Variants in COL8A1 observed in about 807,000 individuals in gnomAD.
COL8A1 encodes collagen alpha-1(VIII) chain.
In COL8A1, 21 loss-of-function variants were observed where a neutral mutation model predicts 42.7. That is an observed-to-expected ratio of 0.49 (90% CI 0.35 to 0.71). COL8A1 has a LOEUF of 0.71. COL8A1 is among the 30% of genes least tolerant of loss of function. The pLI, the probability that COL8A1 is intolerant of heterozygous loss-of-function variation, is 0.01. For synonymous variants in COL8A1, 367 were observed against 369.1 expected (o/e 0.99, Z 0.06); for missense variants, 788 against 962.4 (o/e 0.82, Z 2.40).
At chr3:99,687,749 TA>T (rs1939106290) in intron 1 of COL8A1, among the ~76,000 whole-genome samples, 1 of 152,180 alleles carries the variant, frequency 6.6e-6, no homozygotes, top group Admixed American at 6.5e-5. Flanking sequence ...AACATTATAA[TA>T]ACAACCAGCT....
intron 1 of COL8A1, among the ~76,000 whole-genome samples, chr3:99,676,409 GCTTTTTT>G (rs1938698992): frequency 6.6e-6 from 1 of 152,048 alleles, no homozygotes; most frequent in African/African-American, 2.4e-5. Context: ...GATCAAGTAG[GCTTTTTT>G]CCAGGACTAG....
At chr3:99,714,408 C>A (rs1183003617) in intron 1 of COL8A1, among the ~76,000 whole-genome samples, 4 of 152,074 alleles carry the variant, frequency 2.6e-5, no homozygotes, top group Non-Finnish European at 5.9e-5. Flanking sequence ...CATAAAGTTC[C>A]CAGATTCTCA....
intron 1 of COL8A1, among the ~76,000 whole-genome samples, chr3:99,684,684 T>C (rs979978526): frequency 2.1e-4 from 32 of 152,224 alleles, no homozygotes; most frequent in Admixed American, 2.1e-3. Flanking sequence ...GGTAGAGTTG[T>C]ATGTTTACTT....
chr3:99,661,948 A>AG (rs1938217990), intron 1 of COL8A1, among the ~76,000 whole-genome samples: 1 of 152,228 alleles, frequency 6.6e-6, no homozygotes, highest in South Asian at 2.1e-4. Flanking sequence ...ATGATGTGCC[A>AG]GGGGATGAGG....
chr3:99,724,978 A>C (rs1576448953), intron 1 of COL8A1, among the ~76,000 whole-genome samples: 1 of 152,114 alleles, frequency 6.6e-6, no homozygotes, highest in Non-Finnish European at 1.5e-5. Context: ...TAAATATAAT[A>C]AGATTGCTTT....
intron 1 of COL8A1, among the ~76,000 whole-genome samples, chr3:99,643,159 A>G (rs923790092): frequency 6.6e-6 from 1 of 152,166 alleles, no homozygotes; most frequent in Non-Finnish European, 1.5e-5. Flanking sequence ...GCCAGTGCTT[A>G]ATCTTGAATA....
At chr3:99,654,546 G>A (rs1368315064) in intron 1 of COL8A1, among the ~76,000 whole-genome samples, 1 of 152,126 alleles carries the variant, frequency 6.6e-6, no homozygotes, top group East Asian at 1.9e-4. Flanking sequence ...CCAGCACTTT[G>A]GGAGATGAAG....
chr3:99,737,672 T>C (rs566752926), intron 1 of COL8A1, among the ~76,000 whole-genome samples: 1 of 152,132 alleles, frequency 6.6e-6, no homozygotes, highest in East Asian at 1.9e-4. Flanking sequence ...TTTTCCTTCA[T>C]TCAACTTTGG....
At chr3:99,727,874 G>T (rs1044457797) in intron 1 of COL8A1, among the ~76,000 whole-genome samples, 2 of 151,806 alleles carry the variant, frequency 1.3e-5, no homozygotes, top group Admixed American at 1.3e-4. Flanking sequence ...CATATAAACA[G>T]AACCAAAGAA....
At chr3:99,677,802 G>A (rs948410253) in intron 1 of COL8A1, 1 of 152,088 alleles carries the variant, frequency 6.6e-6, no homozygotes, top group Non-Finnish European at 1.5e-5. Flanking sequence ...CTATGGGAAG[G>A]CTTCACAAGA....
rs563077439 is a variant in COL8A1, at chr3:99,795,647, A to C, written c.1746A>C (p.Gly582=). The stretch of plus-strand genomic sequence containing the variant: ...TGCCCCCTACACCACCACCCCAGGG[A>C]GAGTATCTGCCAGATATGGGGCTGG... The part of the protein sequence containing the change: ...AVMPPTPPPQ[G]EYLPDMGLGI... The change falls in exon 4 of 4, where the codon GGA becomes GGC. Residue 582 remains glycine (G), a synonymous_variant. Transcript: ENST00000652472. The C allele has an allele frequency of 2.5e-6, 4 of 1,613,618 alleles. No homozygotes were observed. In the Admixed American group the frequency reaches 6.7e-5, roughly 27 times the overall value.
At chr3:99,695,311 A>G (rs1405874732) in intron 1 of COL8A1, among the ~76,000 whole-genome samples, 1 of 152,250 alleles carries the variant, frequency 6.6e-6, no homozygotes, top group Non-Finnish European at 1.5e-5. Flanking sequence ...AGAAAATGGT[A>G]AATTTAAGAG....
chr3:99,689,614 A>G (rs761499107), intron 1 of COL8A1, among the ~76,000 whole-genome samples: 2 of 152,172 alleles, frequency 1.3e-5, no homozygotes, highest in Non-Finnish European at 2.9e-5. Context: ...TACTTTTTTA[A>G]ACATAGATAC....
chr3:99,697,679 G>T (rs1366868347), intron 1 of COL8A1, among the ~76,000 whole-genome samples: 1 of 152,138 alleles, frequency 6.6e-6, no homozygotes, highest in Non-Finnish European at 1.5e-5. Flanking sequence ...ATAGTTAAAA[G>T]ACATGAGATA....
rs1455060071 is a variant in COL8A1, at chr3:99,790,725, C to T, written c.43C>T (p.Leu15Phe). The change falls in exon 3 of 4, where the codon CTT becomes TTT. Residue 15 changes from leucine (L) to phenylalanine (F), a missense_variant. Physicochemically the swap from Leu to Phe is conservative, Grantham distance 22. Around this residue, in one of 4 missense-constraint regions of COL8A1, gnomAD observed 421 missense variants for 553.1 expected, o/e 0.76. Transcript: ENST00000652472. Reference sequence around the variant, plus strand: ...CCCTCTGCAGCTGCTGGGAGTGCTGCTTACCATTTCCCTGAGTTCCATCAG... The same window carrying T: ...CCCTCTGCAGCTGCTGGGAGTGCTGTTTACCATTTCCCTGAGTTCCATCAG... Reference protein sequence around the residue: ...PGPLQLLGVLLTISLSSIRLI... With the variant: ...PGPLQLLGVLFTISLSSIRLI... 1.2e-6 allele frequency: 2 copies of T among 1,614,168 alleles called. No homozygotes were observed. The highest frequency in any genetic ancestry group is 8.5e-7 in the Non-Finnish European group (1 of 1,180,030).
intron 1 of COL8A1, among the ~76,000 whole-genome samples, chr3:99,691,197 C>G (rs892065451): frequency 6.6e-6 from 1 of 152,042 alleles, no homozygotes; most frequent in Non-Finnish European, 1.5e-5. Context: ...ATAATGTGGC[C>G]AAAATACTGA....
chr3:99,783,839 G>T (rs1941841742), intron 2 of COL8A1, among the ~76,000 whole-genome samples: 2 of 152,162 alleles, frequency 1.3e-5, no homozygotes, highest in South Asian at 4.1e-4. Flanking sequence ...CCACTCCCAT[G>T]ATCCAATCAC....
At chr3:99,721,154 A>G (rs1940139829) in intron 1 of COL8A1, among the ~76,000 whole-genome samples, 1 of 152,124 alleles carries the variant, frequency 6.6e-6, no homozygotes, top group South Asian at 2.1e-4. Context: ...TGCCAACTCC[A>G]GCACGAAGTT....
intron 1 of COL8A1, among the ~76,000 whole-genome samples, chr3:99,699,560 C>T (rs563250513): frequency 2.6e-5 from 4 of 152,200 alleles, no homozygotes; most frequent in African/African-American, 9.6e-5. Flanking sequence ...GAGAAATTAT[C>T]TAAGAGCTTC....
Sources: allele counts gnomAD v4.1 joint callset (sites outside exome capture counted in the v4.1 genomes callset), GRCh38; gene constraint gnomAD v4.1.1; regional missense constraint gnomAD v4.1.1; transcripts MANE v1.5; gene names NCBI Gene and HGNC (gene_info 2026-07-23, HGNC 2026-07-21).